Variants in INSL6 observed in about 807,000 individuals in gnomAD.
INSL6 encodes insulin-like peptide INSL6.
Under a neutral mutation model 9.4 loss-of-function variants are expected in INSL6, and 16 were observed. The ratio of observed to expected loss-of-function variants is 1.70; its 90% confidence interval spans 1.15 to 2.59. The LOEUF is 2.59. INSL6 is among the 30% of genes most tolerant of loss of function. The probability of loss-of-function intolerance (pLI) is 0.00; values close to 1 mark genes in which losing one functional copy is unlikely to be tolerated. For synonymous variants in INSL6, 154 were observed against 96.9 expected, an observed-to-expected ratio of 1.59 and a Z score of -3.46; for missense variants, 391 against 257.3, an observed-to-expected ratio of 1.52 and a Z score of -3.56.
chr9:5,122,781 C>T (rs76518418), downstream of INSL6, among the ~76,000 whole-genome samples: 413 of 152,106 alleles, frequency 2.7e-3, 1 homozygote, highest in Non-Finnish European at 5.1e-3. Flanking sequence ...ACAATCTAGG[C>T]ATAGTGAGTC....
At chr9:5,006,222 T>C in the INSL6 span, among the ~76,000 whole-genome samples, 1 of 152,014 alleles carries the variant, frequency 6.6e-6, no homozygotes, top group African/African-American at 2.4e-5. Context: ...CCCTTGTAAG[T>C]TGGATTCCTA....
At chr9:5,083,657 T>C in the INSL6 span, among the ~76,000 whole-genome samples, 1 of 152,108 alleles carries the variant, frequency 6.6e-6, no homozygotes, top group Admixed American at 6.5e-5. Context: ...TTGTCATATA[T>C]TGTCAAAACA....
the INSL6 span, among the ~76,000 whole-genome samples, chr9:5,067,153 T>A: frequency 6.6e-6 from 1 of 152,170 alleles, no homozygotes; most frequent in African/African-American, 2.4e-5. Flanking sequence ...GGAAGCAAAT[T>A]TTCTGTTTAT....
the INSL6 span, among the ~76,000 whole-genome samples, chr9:5,106,145 T>G: frequency 4.6e-5 from 7 of 152,012 alleles, no homozygotes; most frequent in South Asian, 1.5e-3. Context: ...GGGAGAAAAT[T>G]TTTGCAATCT....
the INSL6 span, chr9:5,069,059 C>CA: frequency 6.2e-7 from 1 of 1,600,490 alleles, no homozygotes; most frequent in Non-Finnish European, 8.5e-7. Flanking sequence ...TGTTTGATTA[C>CA]AAAAAATGAG....
At chr9:5,027,807 A>C in the INSL6 span, among the ~76,000 whole-genome samples, 3 of 152,316 alleles carry the variant, frequency 2.0e-5, no homozygotes, top group African/African-American at 7.2e-5. Context: ...ATAAAAAGCA[A>C]TTCCTTATAT....
At chr9:5,052,748 G>A in the INSL6 span, among the ~76,000 whole-genome samples, 1 of 152,030 alleles carries the variant, frequency 6.6e-6, no homozygotes, top group Non-Finnish European at 1.5e-5. Flanking sequence ...AAAATGTGGT[G>A]TGGCATTTTT....
the INSL6 span, among the ~76,000 whole-genome samples, chr9:5,058,707 T>C: frequency 8.5e-5 from 13 of 152,204 alleles, no homozygotes; most frequent in African/African-American, 2.2e-4. Flanking sequence ...AAACTTGTTA[T>C]TTTCTGTTTT....
chr9:5,140,841 T>C (rs10115962), intron 2 of INSL6, among the ~76,000 whole-genome samples: 56,259 of 151,822 alleles, frequency 0.37, 11,511 homozygotes, highest in African/African-American at 0.56. Context: ...AGTTATTTTT[T>C]CTGGTCTTCT....
At chr9:5,054,931 T>C in the INSL6 span, 4 of 1,358,804 alleles carry the variant, frequency 2.9e-6, no homozygotes, top group South Asian at 1.4e-5. The surrounding 1 kb of genome is among the most constrained non-coding windows in gnomAD (Gnocchi z 4.9). Flanking sequence ...TTAAGTACAA[T>C]GGAAATAAAA....
the INSL6 span, chr9:5,090,531 T>A: frequency 1.3e-6 from 2 of 1,596,974 alleles, no homozygotes; most frequent in Non-Finnish European, 1.7e-6. Flanking sequence ...AACGGATAGA[T>A]CACATAAAAC....
At chr9:5,096,272 G>C in the INSL6 span, among the ~76,000 whole-genome samples, 1 of 152,150 alleles carries the variant, frequency 6.6e-6, no homozygotes, top group South Asian at 2.1e-4. Flanking sequence ...TAGAAATTTA[G>C]GTTAAATAAG....
the INSL6 span, chr9:5,097,267 C>G: frequency 1.6e-4 from 24 of 152,220 alleles, no homozygotes; most frequent in African/African-American, 5.1e-4. Flanking sequence ...GTCCTAGCCG[C>G]TGGCATTACC....
At chr9:5,033,361 A>C in the INSL6 span, among the ~76,000 whole-genome samples, 1 of 152,228 alleles carries the variant, frequency 6.6e-6, no homozygotes, top group African/African-American at 2.4e-5. Flanking sequence ...CGAGGCAGGC[A>C]AACATTCAAA....
chr9:5,100,167 C>T, the INSL6 span: 2 of 152,146 alleles, frequency 1.3e-5, no homozygotes, highest in African/African-American at 2.4e-5. Context: ...TTCTCAAATT[C>T]GCCATAGACC....
chr9:5,017,249 A>C, the INSL6 span, among the ~76,000 whole-genome samples: 1 of 152,234 alleles, frequency 6.6e-6, no homozygotes, highest in African/African-American at 2.4e-5. Flanking sequence ...ACAGAGCCCC[A>C]CTGAAAGGTC....
chr9:5,034,260 A>G, the INSL6 span, among the ~76,000 whole-genome samples: 1 of 152,186 alleles, frequency 6.6e-6, no homozygotes, highest in African/African-American at 2.4e-5. Context: ...AGAGACCTAC[A>G]AAGAGACTTA....
chr9:5,126,322 G>T (rs779522337), intron 3 of INSL6: 3 of 1,553,608 alleles, frequency 1.9e-6, no homozygotes, highest in Non-Finnish European at 2.6e-6. Flanking sequence ...TTGAAAGTGG[G>T]TTTGTTTTAG....
the INSL6 span, among the ~76,000 whole-genome samples, chr9:5,017,306 ACCCAAAACAATGATGAG>A: frequency 1.3e-5 from 2 of 152,348 alleles, no homozygotes; most frequent in Admixed American, 6.5e-5. Flanking sequence ...CTGAAGGAAG[ACCCAAAACAATGATGAG>A]CACAAAACAA....
Sources: gnomAD v4.1 joint callset for allele counts (sites outside exome capture counted in the v4.1 genomes callset) on GRCh38, gnomAD v4.1.1 for gene constraint, Gnocchi (gnomAD v3.1) non-coding constraint, MANE v1.5 for transcripts, NCBI Gene and HGNC (gene_info 2026-07-23, HGNC 2026-07-21) for gene names.